TUSC3: variants seen among roughly 807,000 people sequenced by gnomAD.
The protein encoded by TUSC3 is tumor suppressor candidate 3, also known as dolichyl-diphosphooligosaccharide--protein glycosyltransferase subunit TUSC3.
TUSC3 carries 45 observed loss-of-function variants against 44.8 expected under a neutral mutation model. That is an observed-to-expected ratio of 1.00 (90% CI 0.79 to 1.29). The LOEUF is 1.29. TUSC3 is among the 50% of genes most tolerant of loss of function. TUSC3 has a pLI of 0.00. For synonymous variants in TUSC3, 212 were observed against 152.9 expected (o/e 1.39, Z -2.85); for missense variants, 519 against 437.9 (o/e 1.19, Z -1.65).
chr8:15,787,423 C>A, the TUSC3 span, among the ~76,000 whole-genome samples: 9 of 152,212 alleles, frequency 5.9e-5, no homozygotes, highest in South Asian at 1.9e-3. Flanking sequence ...ATCCCGTCAA[C>A]AGATTATATA....
chr8:15,524,675 GA>G (rs1353416991), intron 2 of TUSC3, among the ~76,000 whole-genome samples: 1 of 152,122 alleles, frequency 6.6e-6, no homozygotes, highest in Non-Finnish European at 1.5e-5. Flanking sequence ...GATAAAAAAA[GA>G]CCCAATGGAG....
the TUSC3 span, among the ~76,000 whole-genome samples, chr8:15,830,983 G>A: frequency 2.0e-5 from 3 of 146,808 alleles, no homozygotes; most frequent in Non-Finnish European, 3.0e-5. Flanking sequence ...CTGCTGGCAT[G>A]TGCAAGCAAG....
chr8:15,682,245 G>A (rs934498953), intron 6 of TUSC3, among the ~76,000 whole-genome samples: 5 of 152,270 alleles, frequency 3.3e-5, no homozygotes, highest in Admixed American at 2.0e-4. Context: ...GTCTAATGCT[G>A]TGAGTGGGGT....
chr8:15,680,687 A>G (rs1808387410), intron 6 of TUSC3, among the ~76,000 whole-genome samples: 1 of 152,098 alleles, frequency 6.6e-6, no homozygotes, highest in Admixed American at 6.5e-5. Flanking sequence ...GAATGGTTCC[A>G]GCTTTTGCCT....
chr8:15,536,408 G>A (rs557178302), upstream of TUSC3, among the ~76,000 whole-genome samples: 6 of 152,156 alleles, frequency 3.9e-5, no homozygotes, highest in East Asian at 9.7e-4. Context: ...AGGACTGGGC[G>A]CAGTGGCTCA....
intron 1 of TUSC3, among the ~76,000 whole-genome samples, chr8:15,468,835 TTC>T (rs1339696128): frequency 8.5e-5 from 13 of 152,212 alleles, no homozygotes; most frequent in African/African-American, 2.6e-4. Flanking sequence ...CCAAATATCT[TTC>T]TGTTTTAGAA....
At chr8:15,771,304 T>G (rs1370344452), downstream of TUSC3, among the ~76,000 whole-genome samples, 1 of 152,204 alleles carries the variant, frequency 6.6e-6, no homozygotes, top group African/African-American at 2.4e-5. Context: ...CAATTTCCTA[T>G]TATAATCCCG....
intron 1 of TUSC3, among the ~76,000 whole-genome samples, chr8:15,618,272 C>A (rs917686249): frequency 5.9e-5 from 9 of 152,128 alleles, no homozygotes; most frequent in African/African-American, 1.9e-4. Flanking sequence ...TAACTTTACC[C>A]TACTAGAACT....
chr8:15,569,685 G>A (rs919174849), intron 1 of TUSC3, among the ~76,000 whole-genome samples: 2 of 152,154 alleles, frequency 1.3e-5, no homozygotes, highest in African/African-American at 4.8e-5. Flanking sequence ...CGTTACGTGA[G>A]TTAGAGGTAG....
intron 1 of TUSC3, among the ~76,000 whole-genome samples, chr8:15,467,562 A>G (rs917298694): frequency 2.6e-5 from 4 of 152,156 alleles, no homozygotes; most frequent in African/African-American, 9.7e-5. Flanking sequence ...GGAGATGACA[A>G]TAATATTAGT....
chr8:15,599,616 T>A (rs1225720229), intron 1 of TUSC3, among the ~76,000 whole-genome samples: 1 of 151,612 alleles, frequency 6.6e-6, no homozygotes, highest in Non-Finnish European at 1.5e-5. Context: ...GGGTGTAAAG[T>A]CTAGATTCAT....
chr8:15,598,928 T>C (rs996827519), intron 1 of TUSC3, among the ~76,000 whole-genome samples: 1 of 151,822 alleles, frequency 6.6e-6, no homozygotes, highest in African/African-American at 2.4e-5. Context: ...TGTGTGGACC[T>C]AAGTGTTCAA....
intron 1 of TUSC3, among the ~76,000 whole-genome samples, chr8:15,614,737 C>T (rs1378268224): frequency 6.6e-6 from 1 of 151,994 alleles, no homozygotes; most frequent in African/African-American, 2.4e-5. Flanking sequence ...TAAAGTCATG[C>T]TTGTACAAAT....
At chr8:15,624,437 G>GTGTGTT (rs1286778999) in intron 2 of TUSC3, among the ~76,000 whole-genome samples, 1 of 152,196 alleles carries the variant, frequency 6.6e-6, no homozygotes, top group Admixed American at 6.5e-5. Flanking sequence ...CCAGCCATCA[G>GTGTGTT]TGTGTTTAGT....
At chr8:15,566,251 G>A (rs746655173) in intron 1 of TUSC3, among the ~76,000 whole-genome samples, 1 of 152,092 alleles carries the variant, frequency 6.6e-6, no homozygotes, top group Admixed American at 6.6e-5. Flanking sequence ...TTCTTTAGTA[G>A]TATGTTCCCT....
At chr8:15,475,885 T>A (rs1457728828) in intron 1 of TUSC3, among the ~76,000 whole-genome samples, 1 of 152,182 alleles carries the variant, frequency 6.6e-6, no homozygotes, top group Non-Finnish European at 1.5e-5. Flanking sequence ...TTCCAGAATA[T>A]ATTTCTTTCA....
intron 6 of TUSC3, among the ~76,000 whole-genome samples, chr8:15,681,588 C>G (rs909477728): frequency 2.8e-5 from 4 of 145,404 alleles, no homozygotes; most frequent in African/African-American, 7.6e-5. Flanking sequence ...AGCCAGTAGT[C>G]TTTCGATCTT....
intron 2 of TUSC3, among the ~76,000 whole-genome samples, chr8:15,628,827 C>T (rs1805632915): frequency 6.6e-6 from 1 of 152,136 alleles, no homozygotes; most frequent in Admixed American, 6.5e-5. Context: ...AACCATGCTC[C>T]TTTGGAATGG....
intron 9 of TUSC3, among the ~76,000 whole-genome samples, chr8:15,753,225 T>C (rs1245271843): frequency 2.0e-5 from 3 of 152,008 alleles, no homozygotes; most frequent in African/African-American, 4.8e-5. Context: ...CTGTCCAATT[T>C]AAAAAATCCC....
Sources: gnomAD v4.1 joint callset for allele counts (sites outside exome capture counted in the v4.1 genomes callset) on GRCh38, gnomAD v4.1.1 for gene constraint, MANE v1.5 for transcripts, NCBI Gene and HGNC (gene_info 2026-07-23, HGNC 2026-07-21) for gene names.